Variants in PLXNA4 observed in about 807,000 individuals in gnomAD.
The protein encoded by PLXNA4 is plexin A4.
In PLXNA4, 44 loss-of-function variants were observed where a neutral mutation model predicts 191.8. The observed-to-expected ratio is 0.23, with a 90% confidence interval of 0.18 to 0.29. The LOEUF (loss-of-function observed/expected upper bound fraction) is 0.29. Ranked by LOEUF, PLXNA4 falls within the 10% of genes least tolerant of loss-of-function variation. PLXNA4 has a pLI of 1.00. For synonymous variants in PLXNA4, 1,082 were observed against 1,009.5 expected (o/e 1.07, Z -1.36); for missense variants, 1,800 against 2,488.8 (o/e 0.72, Z 5.89).
chr7:132,562,840 TCTCTTCCTTTCTC>T (rs1801304374), intron 1 of PLXNA4, among the ~76,000 whole-genome samples: 2 of 77,966 alleles, frequency 2.6e-5, no homozygotes, highest in Admixed American at 1.3e-4. Context: ...TCCTCCTCCT[TCTCTTCCTTTCTC>T]CTCCTCCTCC....
chr7:132,217,877 G>A lies in PLXNA4; in HGVS notation c.2097+5650C>T, dbSNP rs7799398. Among the ~76,000 whole-genome samples the A allele has an allele frequency of 9.9e-3, 1,448 of 146,484 alleles. 26 individuals carry two copies. The highest frequency in any genetic ancestry group is 0.034 in the African/African-American group (1,345 of 39,112). ...TGGGGGTGGTGCATGGGTGGGGAGC[G>A]TGTTCTGTAGCTGGATTTGCTTTTT... On this transcript the variant is annotated intron_variant, in intron 9 of 31. Coordinates refer to ENST00000321063, the MANE Select transcript of PLXNA4 (RefSeq NM_020911.2).
At chr7:132,562,967 CCT>C (rs1801337673) in intron 1 of PLXNA4, among the ~76,000 whole-genome samples, 1 of 110,400 alleles carries the variant, frequency 9.1e-6, no homozygotes. Context: ...CCCTCCTCCT[CCT>C]CTCCCTCCTC....
At chr7:132,290,921 T>C (rs1392172757) in intron 4 of PLXNA4, among the ~76,000 whole-genome samples, 1 of 152,190 alleles carries the variant, frequency 6.6e-6, no homozygotes, top group Non-Finnish European at 1.5e-5. Context: ...AATTTGCAAA[T>C]AATCTAATAG....
intron 3 of PLXNA4, among the ~76,000 whole-genome samples, chr7:132,345,879 G>A (rs527536537): frequency 5.9e-5 from 9 of 152,064 alleles, no homozygotes; most frequent in South Asian, 2.1e-4. Flanking sequence ...CAGCACAGCC[G>A]TTCACATGAC....
At chr7:132,647,470 T>C (rs1487472701) in intron 1 of PLXNA4, among the ~76,000 whole-genome samples, 1 of 151,504 alleles carries the variant, frequency 6.6e-6, no homozygotes, top group Non-Finnish European at 1.5e-5. Context: ...CAGTCACACA[T>C]ATACTCACAT....
chr7:132,384,784 A>G lies in PLXNA4; in HGVS notation c.1372-86562T>C. Reference sequence around the variant, plus strand: ...CACACACACACACACACACACACACACACACACTGGCCAGGCGACTTGGCT... The same window carrying G: ...CACACACACACACACACACACACACGCACACACTGGCCAGGCGACTTGGCT... On this transcript the variant is annotated intron_variant, in intron 3 of 31. Coordinates refer to ENST00000321063, the MANE Select transcript of PLXNA4 (RefSeq NM_020911.2). 3.7e-6 allele frequency: 4 copies of G among 1,093,624 alleles called. No homozygotes were observed. The South Asian group carries it at 6.4e-5, about 18-fold the overall frequency. The allele number at this position is 1,093,624 out of a possible 1,614,324, so 67.7% of individuals were successfully genotyped here. A position where few individuals can be genotyped will look rare whatever the true frequency, so the allele number is the denominator to read the frequency against.
chr7:132,423,278 A>T (rs1275952456), intron 3 of PLXNA4, among the ~76,000 whole-genome samples: 1 of 152,172 alleles, frequency 6.6e-6, no homozygotes, highest in Non-Finnish European at 1.5e-5. Context: ...TGCACAATTC[A>T]TGTTATTATT....
chr7:132,297,157 T>C (rs953257827), intron 4 of PLXNA4, among the ~76,000 whole-genome samples: 2 of 152,212 alleles, frequency 1.3e-5, no homozygotes, highest in South Asian at 4.2e-4. Flanking sequence ...CAGGCCACGC[T>C]GACGAGGATG....
intron 2 of PLXNA4, among the ~76,000 whole-genome samples, chr7:132,636,322 AC>A (rs1803605008): frequency 6.6e-6 from 1 of 152,218 alleles, no homozygotes; most frequent in Non-Finnish European, 1.5e-5. Flanking sequence ...AGAAGGGGCT[AC>A]CCCAAGTCAA....
At chr7:132,287,714 A>T (rs1473594643) in intron 4 of PLXNA4, among the ~76,000 whole-genome samples, 1 of 152,134 alleles carries the variant, frequency 6.6e-6, no homozygotes, top group Non-Finnish European at 1.5e-5. Context: ...CGTCAGTCAG[A>T]AAAAAACAGT....
chr7:132,257,182 G>A (rs561329883), intron 4 of PLXNA4, among the ~76,000 whole-genome samples: 75 of 152,354 alleles, frequency 4.9e-4, no homozygotes, highest in African/African-American at 1.7e-3. Context: ...CTCTTGCAGG[G>A]GCCAGGTGGC....
chr7:132,379,170 G>A (rs1804787328), intron 3 of PLXNA4, among the ~76,000 whole-genome samples: 3 of 152,172 alleles, frequency 2.0e-5, no homozygotes, highest in Admixed American at 1.3e-4. Flanking sequence ...ATTTATAACA[G>A]ATGCCATAAC....
At chr7:132,255,823 C>T (rs891723083) in intron 4 of PLXNA4, among the ~76,000 whole-genome samples, 7 of 152,214 alleles carry the variant, frequency 4.6e-5, no homozygotes, top group Non-Finnish European at 7.3e-5. Flanking sequence ...TTTTGCTCTG[C>T]TCTTGAATTG....
chr7:132,632,884 C>T (rs926283339), intron 2 of PLXNA4, among the ~76,000 whole-genome samples: 22 of 152,096 alleles, frequency 1.4e-4, no homozygotes, highest in African/African-American at 4.8e-4. Context: ...GATCCTTTTA[C>T]AGCATTTGGA....
intron 4 of PLXNA4, among the ~76,000 whole-genome samples, chr7:132,288,672 T>A (rs1010101958): frequency 3.3e-5 from 5 of 152,202 alleles, no homozygotes; most frequent in Admixed American, 3.3e-4. Flanking sequence ...AACTGGAGTG[T>A]ACAGCTCGGC....
At chr7:132,462,143 G>T (rs1334344790) in intron 3 of PLXNA4, among the ~76,000 whole-genome samples, 6 of 152,146 alleles carry the variant, frequency 3.9e-5, no homozygotes, top group Admixed American at 3.9e-4. Context: ...TTGGAAGTAG[G>T]GGGAGGAGAA....
intron 3 of PLXNA4, among the ~76,000 whole-genome samples, chr7:132,324,086 A>G (rs1802274481): frequency 6.6e-6 from 1 of 152,198 alleles, no homozygotes; most frequent in African/African-American, 2.4e-5. Flanking sequence ...ATTAGGCTCT[A>G]TCTAAAAACT....
At chr7:132,165,284 G>A (rs780792171) in intron 22 of PLXNA4, 84 bp from the exon 23 acceptor site, 68 of 1,533,058 alleles carry the variant, frequency 4.4e-5, no homozygotes, top group Non-Finnish European at 5.9e-5. Flanking sequence ...GAAGGGCAAG[G>A]GAGGAATTGT....
intron 25 of PLXNA4, among the ~76,000 whole-genome samples, chr7:132,150,531 G>A (rs1795566453): frequency 6.6e-6 from 1 of 152,196 alleles, no homozygotes; most frequent in African/African-American, 2.4e-5. Context: ...CAAAAAAAAG[G>A]AGCCAGCATT....
Sources: gnomAD v4.1 joint callset for allele counts (sites outside exome capture counted in the v4.1 genomes callset) on GRCh38, gnomAD v4.1.1 for gene constraint, MANE v1.5 for transcripts, NCBI Gene and HGNC (gene_info 2026-07-23, HGNC 2026-07-21) for gene names.